The following CELF2 variants were observed in gnomAD, a reference collection of about 807,000 sequenced individuals.
CELF2 encodes CUGBP Elav-like family member 2, also known as CUG triplet repeat RNA-binding protein 2.
Under a neutral mutation model 62.6 loss-of-function variants are expected in CELF2, and 8 were observed. That is an observed-to-expected ratio of 0.13 (90% CI 0.07 to 0.23). CELF2 has a LOEUF of 0.23. Ranked by LOEUF, CELF2 falls within the 10% of genes least tolerant of loss-of-function variation. The probability of loss-of-function intolerance (pLI) is 1.00; values close to 1 mark genes in which losing one functional copy is unlikely to be tolerated. For synonymous variants in CELF2, 258 were observed against 250.0 expected (o/e 1.03, Z -0.30); for missense variants, 333 against 671.0 (o/e 0.50, Z 5.56).
intron 1 of CELF2, among the ~76,000 whole-genome samples, chr10:11,106,490 G>C (rs1257334425): frequency 6.6e-6 from 1 of 152,194 alleles, no homozygotes; most frequent in Non-Finnish European, 1.5e-5. Context: ...GCCCTCCTCA[G>C]CCTCCCAAAG....
At chr10:10,717,365 C>T in the CELF2 span, among the ~76,000 whole-genome samples, 1 of 151,080 alleles carries the variant, frequency 6.6e-6, no homozygotes, top group Admixed American at 6.6e-5. Context: ...TCACCAAAGG[C>T]AATGAAACTT....
intron 2 of CELF2, among the ~76,000 whole-genome samples, chr10:11,208,239 C>T (rs545305996): frequency 6.6e-6 from 1 of 151,754 alleles, no homozygotes; most frequent in African/African-American, 2.4e-5. Context: ...AGAAAACCTC[C>T]CCTTGGCCCT....
chr10:11,005,199 C>T, upstream of CELF2: 2 of 1,452,256 alleles, frequency 1.4e-6, no homozygotes, highest in Non-Finnish European at 9.0e-7. The surrounding 1 kb of genome is among the most constrained non-coding windows in gnomAD (Gnocchi z 4.3). Flanking sequence ...CAGGAGCCCC[C>T]TTGCTCTACT....
chr10:10,751,905 G>A, the CELF2 span, among the ~76,000 whole-genome samples: 7 of 152,218 alleles, frequency 4.6e-5, no homozygotes, highest in Admixed American at 2.0e-4. Flanking sequence ...CATAGCTCTC[G>A]TGACCTGGCT....
In CELF2 at chr10:10,936,499, C is replaced by G. The variant is rs1442430678; in HGVS notation, c.89+16500C>G. ...TGGAAACTAAGTCCTCATGACCACA[C>G]TGTGTGGGATCACTGGACAAGCTAA... is the stretch of plus-strand genomic sequence containing the variant. On this transcript the variant is annotated intron_variant, in intron 2 of 13. Coordinates refer to the CELF2 transcript ENST00000636488. This position sits in a 1 kb window ranked among gnomAD's most constrained non-coding sequence, Gnocchi z 4.0. The G allele has an allele frequency of 1.3e-5, 2 of 152,188 alleles. No homozygotes were observed. 9.4% of individuals were successfully genotyped at this position (152,188 alleles called of 1,614,324 possible). A position where few individuals can be genotyped will look rare whatever the true frequency, so the allele number is the denominator to read the frequency against.
chr10:10,592,981 G>A, the CELF2 span, among the ~76,000 whole-genome samples: 1 of 152,166 alleles, frequency 6.6e-6, no homozygotes, highest in African/African-American at 2.4e-5. Flanking sequence ...AGAAATATAA[G>A]ACAAAATATA....
At chr10:11,212,341 C>T (rs541939871) in intron 2 of CELF2, among the ~76,000 whole-genome samples, 1 of 152,168 alleles carries the variant, frequency 6.6e-6, no homozygotes, top group East Asian at 1.9e-4. Context: ...GTGAGGCCCC[C>T]CCGGGCCTGC....
the CELF2 span, among the ~76,000 whole-genome samples, chr10:10,742,862 A>G: frequency 6.6e-6 from 1 of 152,218 alleles, no homozygotes; most frequent in Non-Finnish European, 1.5e-5. Flanking sequence ...TAACAAAAGA[A>G]GAGAGTGGCA....
In CELF2 at chr10:11,214,279, C is replaced by T. The variant is rs1589191364; in HGVS notation, c.272-3146C>T. Among the ~76,000 whole-genome samples, 1 of 152,148 alleles carries T rather than the reference C, an allele frequency of 6.6e-6. No homozygotes were observed. On this transcript the variant is annotated intron_variant, in intron 2 of 12. Coordinates refer to ENST00000633077, the MANE Select transcript of CELF2 (RefSeq NM_001326342.2). The surrounding 1 kb of genome is among the most constrained non-coding windows in gnomAD (Gnocchi z 4.2). ...CCAGGACAACAGAGTGACATCCTGT[C>T]TCAAAAATAAATAAATTTTTTAATG...
the CELF2 span, among the ~76,000 whole-genome samples, chr10:10,481,014 G>T: frequency 7.2e-5 from 11 of 152,098 alleles, no homozygotes; most frequent in Non-Finnish European, 4.4e-5. Flanking sequence ...AGTGAGCCGA[G>T]ATCGCACCAT....
intron 2 of CELF2, among the ~76,000 whole-genome samples, chr10:10,953,147 T>C (rs2048505726): frequency 6.6e-6 from 1 of 152,248 alleles, no homozygotes; most frequent in African/African-American, 2.4e-5. Flanking sequence ...TCTTTACTAA[T>C]TAGCTTTTAT....
At chr10:10,605,615 T>G in the CELF2 span, among the ~76,000 whole-genome samples, 1 of 152,234 alleles carries the variant, frequency 6.6e-6, no homozygotes, top group Non-Finnish European at 1.5e-5. Context: ...GAAATCAGCT[T>G]AGAGCATTGA....
chr10:10,721,340 A>G, the CELF2 span, among the ~76,000 whole-genome samples: 1 of 152,166 alleles, frequency 6.6e-6, no homozygotes, highest in Non-Finnish European at 1.5e-5. Context: ...ACCCCTGTTA[A>G]TCTACACGGA....
the CELF2 span, among the ~76,000 whole-genome samples, chr10:10,558,656 A>G: frequency 1.4e-4 from 21 of 152,118 alleles, no homozygotes; most frequent in Admixed American, 6.5e-4. Context: ...CTGTGAATCC[A>G]TCTGGTCCTG....
At chr10:10,670,398 A>G in the CELF2 span, among the ~76,000 whole-genome samples, 1 of 152,210 alleles carries the variant, frequency 6.6e-6, no homozygotes, top group Non-Finnish European at 1.5e-5. Flanking sequence ...CAAAATGAAA[A>G]TAAGGTTATT....
At chr10:10,726,570 G>A in the CELF2 span, among the ~76,000 whole-genome samples, 1 of 152,114 alleles carries the variant, frequency 6.6e-6, no homozygotes, top group Non-Finnish European at 1.5e-5. Flanking sequence ...ATTGTGTAAT[G>A]TTCAGGGTGT....
chr10:11,133,237 G>C (rs991218298), intron 1 of CELF2, among the ~76,000 whole-genome samples: 5 of 152,138 alleles, frequency 3.3e-5, no homozygotes, highest in African/African-American at 1.2e-4. Context: ...AGGACAACCA[G>C]GTAGAGTAAC....
At chr10:10,982,410 A>G (rs1241560300) in intron 2 of CELF2, among the ~76,000 whole-genome samples, 5 of 152,224 alleles carry the variant, frequency 3.3e-5, no homozygotes, top group African/African-American at 1.2e-4. Flanking sequence ...CGACAAAAGA[A>G]AACTAGCTTT....
the CELF2 span, among the ~76,000 whole-genome samples, chr10:10,641,850 G>A: frequency 1.3e-5 from 2 of 152,094 alleles, no homozygotes; most frequent in African/African-American, 2.4e-5. Context: ...AAATAAATAC[G>A]AAAATTCAAG....
Sources: gnomAD v4.1 joint callset for allele counts (sites outside exome capture counted in the v4.1 genomes callset) on GRCh38, gnomAD v4.1.1 for gene constraint, Gnocchi (gnomAD v3.1) non-coding constraint, MANE v1.5 for transcripts, NCBI Gene and HGNC (gene_info 2026-07-23, HGNC 2026-07-21) for gene names.